Variants in NLRC5 observed in about 807,000 individuals in gnomAD.
NLRC5 encodes NLR family CARD domain containing 5.
A neutral mutation model predicts 206.9 loss-of-function variants in NLRC5; 114 were observed. That is an observed-to-expected ratio of 0.55 (90% CI 0.47 to 0.64). The LOEUF (loss-of-function observed/expected upper bound fraction) is 0.64, where lower values mean the gene tolerates loss of function less well. NLRC5 is among the 30% of genes least tolerant of loss of function. The probability of loss-of-function intolerance (pLI) is 0.00; values close to 1 mark genes in which losing one functional copy is unlikely to be tolerated. For missense variants in NLRC5, 2,008 were observed against 2,305.5 expected (o/e 0.87, Z 2.64); for synonymous variants, 952 against 962.8 (o/e 0.99, Z 0.21).
At chr16:57,041,458 C>G in intron 17 of NLRC5, 27 bp from the exon 18 acceptor site, 1 of 1,591,916 alleles carries the variant, frequency 6.3e-7, no homozygotes, top group Non-Finnish European at 8.6e-7. Context: ...GTGGGGCATG[C>G]AGCACTGTGT....
rs1320324082 is a variant in NLRC5, at chr16:57,017,165, A to G, written c.-36A>G. On this transcript the variant is annotated 5_prime_UTR_variant, in exon 2 of 49. Coordinates refer to ENST00000688547, the MANE Select transcript of NLRC5 (RefSeq NM_001384950.1). ...ACCCTCTCCGTGGGGACCCTAGAGC[A>G]CCTATCATGAACGAGGAGACCAAGT... 6.6e-6 allele frequency: 1 copy of G among 152,654 alleles called. No homozygotes were observed. 9.5% of individuals were successfully genotyped at this position (152,654 alleles called of 1,614,324 possible). A position where few individuals can be genotyped will look rare whatever the true frequency, so the allele number is the denominator to read the frequency against.
intron 10 of NLRC5, among the ~76,000 whole-genome samples, chr16:57,031,117 GA>G (rs553906341): frequency 0.014 from 1,976 of 144,392 alleles, 39 homozygotes; most frequent in African/African-American, 0.045. Context: ...AAAAAGAAAG[GA>G]AAAAAAAAAA....
At position 57,054,927 on chromosome 16, in the gene NLRC5, T is replaced by C. The variant is rs562885970; in HGVS notation, c.3596+87T>C. The C allele has an allele frequency of 9.5e-6, 15 of 1,579,494 alleles. 2 individuals carry two copies. In the South Asian group the frequency reaches 1.5e-4, roughly 16 times the overall value. On this transcript the variant is annotated intron_variant, in intron 25 of 48. Transcript: ENST00000688547. ...GTATGAGGGGGTAGGATGAAGACAG[T>C]AGGACCCAACTAGAGGCTGGGCTTC...
chr16:57,070,804 A>G (rs1285027753), intron 38 of NLRC5, among the ~76,000 whole-genome samples, 186 bp downstream of exon 38: 9 of 93,950 alleles, frequency 9.6e-5, no homozygotes, highest in East Asian at 3.7e-4. Flanking sequence ...GAGTGGTGGG[A>G]GTGGTTAATG....
At chr16:57,018,373 G>C (rs1461980476) in intron 2 of NLRC5, among the ~76,000 whole-genome samples, 9 of 152,224 alleles carry the variant, frequency 5.9e-5, no homozygotes, top group Non-Finnish European at 1.3e-4. Context: ...TGGACTTGCT[G>C]TGTGACTGTG....
At chr16:57,031,571 A>T in intron 11 of NLRC5, 108 bp downstream of exon 11, 1 of 1,026,002 alleles carries the variant, frequency 9.7e-7, no homozygotes, top group South Asian at 1.3e-5. Context: ...GGGGTATGGG[A>T]ATTCTTCCTG....
At chr16:57,077,137 A>C (rs2068501920) in intron 40 of NLRC5, among the ~76,000 whole-genome samples, 159 bp from the exon 41 acceptor site, 1 of 152,182 alleles carries the variant, frequency 6.6e-6, no homozygotes, top group Admixed American at 6.5e-5. Flanking sequence ...TCCTAAACAG[A>C]AGCCAAGGGT....
At chr16:57,003,047 GTGTTTGTT>G (rs141689188) in intron 1 of NLRC5, among the ~76,000 whole-genome samples, 23 of 150,152 alleles carry the variant, frequency 1.5e-4, no homozygotes, top group African/African-American at 2.2e-4. Flanking sequence ...ATAGATTGAG[GTGTTTGTT>G]TGTTTGTTTG....
intron 1 of NLRC5, among the ~76,000 whole-genome samples, chr16:57,009,156 T>C (rs2059226235): frequency 1.3e-5 from 2 of 150,218 alleles, no homozygotes; most frequent in African/African-American, 4.9e-5. Context: ...CTGGCTGTGG[T>C]AGCATGAGCC....
chr16:57,068,193 G>C (rs2067263303), intron 36 of NLRC5, among the ~76,000 whole-genome samples: 1 of 152,134 alleles, frequency 6.6e-6, no homozygotes, highest in Non-Finnish European at 1.5e-5. Flanking sequence ...ACTTTGGGAG[G>C]CCGAGGCAGG....
intron 2 of NLRC5, among the ~76,000 whole-genome samples, chr16:57,020,489 C>T (rs2060546948): frequency 9.4e-6 from 1 of 106,756 alleles, no homozygotes; most frequent in East Asian, 3.9e-4. Flanking sequence ...CCCAGCTCAC[C>T]TCCCCCTCAG....
chr16:56,999,977 A>T (rs2058063470), intron 1 of NLRC5, among the ~76,000 whole-genome samples: 1 of 151,882 alleles, frequency 6.6e-6, no homozygotes, highest in Non-Finnish European at 1.5e-5. Flanking sequence ...CCTGCGTTCT[A>T]CCTCCTGGGA....
rs1319697452 is a variant in NLRC5, at chr16:57,066,549, G to A, written c.4257G>A (p.Gln1419=). The change falls in exon 34 of 49, where the codon CAG becomes CAA. Residue 1419 remains glutamine, a synonymous_variant. Coordinates refer to ENST00000688547, the MANE Select transcript of NLRC5 (RefSeq NM_001384950.1). ...SVTEISISET[Q]QQLCVQLEFP... is the part of the protein sequence containing the mutation. ...CACTCCTCAGCATCTCCGAGACCCA[G>A]CAGCAGCTCTGTGTCCAGCTGGAAT... 2 of 1,613,930 alleles carry A rather than the reference G, an allele frequency of 1.2e-6. No homozygotes were observed. Among genetic ancestry groups the A allele is most frequent in the African/African-American group, 1.3e-5 (1 of 74,914 alleles).
At chr16:57,078,065 G>T (rs762252575) in intron 43 of NLRC5, 45 bp downstream of exon 43, 2 of 1,486,818 alleles carry the variant, frequency 1.3e-6, no homozygotes, top group Non-Finnish European at 9.0e-7. Context: ...GTGGGGAGGA[G>T]GGTCCTCGGG....
chr16:57,029,751 C>G, intron 8 of NLRC5, 22 bp from the exon 9 acceptor site: 1 of 1,611,478 alleles, frequency 6.2e-7, no homozygotes, highest in Middle Eastern at 1.6e-4. Context: ...GGCAAAGGGA[C>G]TGGGCCTTGG....
At chr16:57,028,448 C>A in intron 8 of NLRC5, 63 bp downstream of exon 8, 2 of 1,263,688 alleles carry the variant, frequency 1.6e-6, no homozygotes, top group South Asian at 2.4e-5. Context: ...GTCCCAGAGT[C>A]CCCCTGGGGC....
At position 57,061,655 on chromosome 16, in the gene NLRC5, A is replaced by G; in HGVS notation, c.4108A>G (p.Ile1370Val). ...QCCLGQKQLA[I>V]LLSLVGRPAG... ...CTGCCTGGGCCAGAAGCAGCTGGCC[A>G]TCCTCCTGAGCTTGGTGGGGCGACC... The change falls in exon 32 of 49, where the codon ATC becomes GTC. Residue 1370 changes from isoleucine (I) to valine (V), a missense_variant. Transcript: ENST00000688547. The G allele has an allele frequency of 6.2e-7, 1 of 1,610,298 alleles. No individual in the cohort carries two copies. Among genetic ancestry groups the G allele is most frequent in the Non-Finnish European group, 8.5e-7 (1 of 1,179,292 alleles).
chr16:57,016,266 C>T (rs938472064), intron 1 of NLRC5, among the ~76,000 whole-genome samples: 6 of 152,140 alleles, frequency 3.9e-5, no homozygotes, highest in Non-Finnish European at 7.4e-5. Flanking sequence ...TTATTAGTCC[C>T]CCAGGACCTC....
In NLRC5 at chr16:57,079,289, T is replaced by C; in HGVS notation, c.5234T>C (p.Ile1745Thr). ...ATGGAGCTCCCGCTGCTCAGACAGA[T>C]AGAGTAAGTAGCCTCCCCTGCCTGC... The part of the protein sequence containing the change: ...FCMELPLLRQ[I>T]DLVSCKIDNQ... The change falls in exon 45 of 49, where the codon ATA becomes ACA. Residue 1745 changes from isoleucine to threonine, a missense_variant. Physicochemically the swap from Ile to Thr is moderately conservative, Grantham distance 89. Coordinates refer to ENST00000688547, the MANE Select transcript of NLRC5 (RefSeq NM_001384950.1). 6.2e-7 allele frequency: 1 copy of C among 1,613,326 alleles called. No homozygotes were observed. The highest frequency in any genetic ancestry group is 8.5e-7 in the Non-Finnish European group (1 of 1,180,000).
Sources: gnomAD v4.1 joint callset for allele counts (sites outside exome capture counted in the v4.1 genomes callset) on GRCh38, gnomAD v4.1.1 for gene constraint, MANE v1.5 for transcripts, NCBI Gene and HGNC (gene_info 2026-07-23, HGNC 2026-07-21) for gene names.